The following SAMD4B variants were observed in gnomAD, a reference collection of about 807,000 sequenced individuals.
SAMD4B encodes sterile alpha motif domain containing 4B.
Under a neutral mutation model 74.5 loss-of-function variants are expected in SAMD4B, and 5 were observed. The ratio of observed to expected loss-of-function variants is 0.07; its 90% confidence interval spans 0.04 to 0.14. The LOEUF is 0.14. SAMD4B is among the 10% of genes least tolerant of loss of function. SAMD4B has a pLI of 1.00. For synonymous variants in SAMD4B, 373 were observed against 374.9 expected (o/e 1.00, Z 0.06); for missense variants, 608 against 921.8 (o/e 0.66, Z 4.41).
chr19:39,362,999 G>A (rs2076742989), intron 3 of SAMD4B, among the ~76,000 whole-genome samples: 1 of 152,040 alleles, frequency 6.6e-6, no homozygotes, highest in African/African-American at 2.4e-5. Flanking sequence ...GTGTCCATGT[G>A]AGCAGGGGTG....
intron 3 of SAMD4B, among the ~76,000 whole-genome samples, chr19:39,361,749 C>G (rs1011684293): frequency 6.6e-6 from 1 of 151,734 alleles, no homozygotes; most frequent in African/African-American, 2.4e-5. Context: ...CGGTGAAACC[C>G]CATCTCTACT....
chr19:39,390,394 T>A (rs2078353710), downstream of SAMD4B: 3 of 1,069,866 alleles, frequency 2.8e-6, no homozygotes, highest in Non-Finnish European at 4.2e-6. Context: ...TGACAAATGC[T>A]GGTTTCTTTG....
At chr19:39,364,806 A>G (rs1008198806) in intron 3 of SAMD4B, among the ~76,000 whole-genome samples, 7 of 152,198 alleles carry the variant, frequency 4.6e-5, no homozygotes, top group African/African-American at 1.7e-4. Flanking sequence ...GGACAGCTTC[A>G]TAATCTTGGC....
chr19:39,344,922 A>G (rs1043653407), intron 1 of SAMD4B, among the ~76,000 whole-genome samples: 1 of 152,100 alleles, frequency 6.6e-6, no homozygotes, highest in Non-Finnish European at 1.5e-5. Flanking sequence ...CCCTTTCAGA[A>G]GCCTTCTTCC....
At chr19:39,377,334 G>A (rs1038421744) in intron 7 of SAMD4B, 151 bp from the exon 8 acceptor site, 7 of 588,190 alleles carry the variant, frequency 1.2e-5, no homozygotes, top group Non-Finnish European at 2.1e-5. Flanking sequence ...TATGTTTGTG[G>A]GCTTGCAGTA....
chr19:39,344,827 G>A (rs1470767740), intron 1 of SAMD4B, among the ~76,000 whole-genome samples: 1 of 151,892 alleles, frequency 6.6e-6, no homozygotes, highest in African/African-American at 2.4e-5. Context: ...ATTTTTCTTA[G>A]GTGCCATGCT....
At position 39,371,715 on chromosome 19, in the gene SAMD4B, G is replaced by A. The variant is rs572724650; in HGVS notation, c.667+1590G>A. Among the ~76,000 whole-genome samples, 13 of 151,974 alleles carry A rather than the reference G, an allele frequency of 8.6e-5. No homozygotes were observed. In the South Asian group the frequency reaches 2.5e-3, roughly 29 times the overall value. ...GCCTATAATTCCAGTTACTCGGGGG[G>A]CTGAGGCAGGAAGGTCGCTTGAACC... On this transcript the variant is annotated intron_variant, in intron 4 of 13. Coordinates refer to ENST00000610417, the MANE Select transcript of SAMD4B (RefSeq NM_001384574.2).
chr19:39,388,617 G>A, downstream of SAMD4B: 1 of 1,614,046 alleles, frequency 6.2e-7, no homozygotes, highest in Non-Finnish European at 8.5e-7. Context: ...TTTCTTCAAC[G>A]TCTCTTCTAC....
At chr19:39,386,864 C>G (rs564315505), downstream of SAMD4B, 340 of 1,101,138 alleles carry the variant, frequency 3.1e-4, 1 homozygote, top group Non-Finnish European at 4.3e-4. This position sits in a 1 kb window ranked among gnomAD's most constrained non-coding sequence, Gnocchi z 6.1. Context: ...TCCCACTTCC[C>G]CGCCCCCCAG....
intron 4 of SAMD4B, 31 bp downstream of exon 4, chr19:39,370,156 G>A (rs527745526): frequency 1.9e-6 from 3 of 1,549,408 alleles, no homozygotes; most frequent in East Asian, 4.9e-5. Flanking sequence ...AGAAGGCCAT[G>A]CCTACTTGAA....
chr19:39,353,685 T>C (rs886423236), intron 1 of SAMD4B, among the ~76,000 whole-genome samples: 1 of 152,162 alleles, frequency 6.6e-6, no homozygotes, highest in Non-Finnish European at 1.5e-5. Context: ...CACTGCAGCC[T>C]CCACCTCCCG....
At chr19:39,372,817 T>C (rs958614134) in intron 4 of SAMD4B, among the ~76,000 whole-genome samples, 5 of 152,066 alleles carry the variant, frequency 3.3e-5, no homozygotes, top group Admixed American at 2.6e-4. Flanking sequence ...AAGGCCTGTC[T>C]TGAGGATTCC....
At chr19:39,363,075 A>G (rs947866117) in intron 3 of SAMD4B, among the ~76,000 whole-genome samples, 8 of 152,036 alleles carry the variant, frequency 5.3e-5, no homozygotes, top group South Asian at 2.1e-4. Context: ...GGCTACTCCA[A>G]TTGTTGCACC....
intron 4 of SAMD4B, 78 bp downstream of exon 4, chr19:39,370,203 CTG>C: frequency 7.4e-7 from 1 of 1,347,002 alleles, no homozygotes; most frequent in Non-Finnish European, 1.0e-6. Context: ...CTCTCTCGCT[CTG>C]TGGCATTAGA....
At chr19:39,390,149 G>T, downstream of SAMD4B, 1 of 1,613,988 alleles carries the variant, frequency 6.2e-7, no homozygotes, top group Non-Finnish European at 8.5e-7. Context: ...TGACTCGGCA[G>T]ACCACTCCAG....
downstream of SAMD4B, chr19:39,386,856 C>T (rs1400458902): frequency 2.6e-6 from 3 of 1,175,228 alleles, no homozygotes; most frequent in African/African-American, 4.5e-5. This position sits in a 1 kb window ranked among gnomAD's most constrained non-coding sequence, Gnocchi z 6.1. Context: ...GACACACCTC[C>T]CACTTCCCCG....
rs1424530849 is a variant in SAMD4B at position 39,378,607 on chromosome 19, A to C, written c.1530+18A>C. ...CTCATGAGGTAAGGCCTTCCCTAGC[A>C]TACTCAAAAAGGGAAAGGCGGCCAG... On this transcript the variant is annotated intron_variant, in intron 9 of 13. Coordinates refer to ENST00000610417, the MANE Select transcript of SAMD4B (RefSeq NM_001384574.2). This position sits in a 1 kb window ranked among gnomAD's most constrained non-coding sequence, Gnocchi z 4.4. 1.2e-6 allele frequency: 2 copies of C among 1,610,518 alleles called. No homozygotes were observed. The highest frequency in any genetic ancestry group is 2.7e-5 in the African/African-American group (2 of 74,930).
rs929511668 is a variant in SAMD4B, at chr19:39,346,211, A to T, written c.-267+3635A>T. On this transcript the variant is annotated intron_variant, in intron 1 of 13. Coordinates refer to ENST00000610417, the MANE Select transcript of SAMD4B (RefSeq NM_001384574.2). Reference sequence around the variant, plus strand: ...GAGCAGAAAATGAGGTACAAATTATATGCTGTAGAAATTCAGCAGTGAGAG... The same window carrying T: ...GAGCAGAAAATGAGGTACAAATTATTTGCTGTAGAAATTCAGCAGTGAGAG... Among the ~76,000 whole-genome samples the T allele has an allele frequency of 1.2e-4, 19 of 152,192 alleles. 1 individual carries two copies. The highest frequency in any genetic ancestry group is 1.1e-3 in the Admixed American group (17 of 15,278).
intron 3 of SAMD4B, among the ~76,000 whole-genome samples, chr19:39,362,192 C>T (rs767686857): frequency 1.3e-5 from 2 of 152,138 alleles, no homozygotes; most frequent in Non-Finnish European, 2.9e-5. Flanking sequence ...TGTTAGAATC[C>T]CCCAGGGCCT....
Sources: gnomAD v4.1 joint callset for allele counts (sites outside exome capture counted in the v4.1 genomes callset) on GRCh38, gnomAD v4.1.1 for gene constraint, Gnocchi (gnomAD v3.1) non-coding constraint, MANE v1.5 for transcripts, NCBI Gene and HGNC (gene_info 2026-07-23, HGNC 2026-07-21) for gene names.